Variants in KYAT3 observed in about 807,000 individuals in gnomAD.
The protein encoded by KYAT3 is kynurenine aminotransferase 3, also known as kynurenine--oxoglutarate transaminase 3.
KYAT3 carries 50 observed loss-of-function variants against 59.0 expected under a neutral mutation model. That is an observed-to-expected ratio of 0.85 (90% CI 0.68 to 1.07). The LOEUF is 1.07. Ranked by LOEUF, KYAT3 falls within the 50% of genes least tolerant of loss-of-function variation. KYAT3 has a pLI of 0.00. For synonymous variants in KYAT3, 148 were observed against 177.0 expected, an observed-to-expected ratio of 0.84 and a Z score of 1.30; for missense variants, 497 against 533.3, an observed-to-expected ratio of 0.93 and a Z score of 0.67.
intron 13 of KYAT3, among the ~76,000 whole-genome samples, chr1:88,942,069 C>T (rs1675254049): frequency 1.3e-5 from 2 of 152,032 alleles, no homozygotes; most frequent in African/African-American, 4.8e-5. Context: ...TATATTATCA[C>T]TTGGTATTGT....
At chr1:88,948,910 C>T (rs899352005) in intron 11 of KYAT3, among the ~76,000 whole-genome samples, 181 bp downstream of exon 11, 5 of 152,120 alleles carry the variant, frequency 3.3e-5, no homozygotes, top group African/African-American at 1.2e-4. Context: ...ACAATGGTCA[C>T]ATTTAAGGTA....
chr1:88,965,786 A>T (rs1003966174), intron 4 of KYAT3, among the ~76,000 whole-genome samples: 1 of 151,862 alleles, frequency 6.6e-6, no homozygotes, highest in Non-Finnish European at 1.5e-5. Context: ...CTGATTTTCT[A>T]TCCCTTGAGA....
rs1206228892 is a variant in KYAT3 at position 88,936,695 on chromosome 1, TG to T, written c.1303-451del. ...AAAAATTAGTTCATTCACACTACTC[TG>T]CCCCTTGCTTTCAAGGTTTCATAGT... On this transcript the variant is annotated intron_variant, in intron 13 of 13. Coordinates refer to ENST00000260508, the MANE Select transcript of KYAT3 (RefSeq NM_001008661.3). Among the ~76,000 whole-genome samples the T allele has an allele frequency of 3.4e-5, 4 of 119,274 alleles. No homozygotes were observed. The East Asian group carries it at 1.1e-3, about 33-fold the overall frequency. 78.2% of individuals were successfully genotyped at this position (119,274 alleles called of 152,430 possible).
At chr1:88,929,339 C>T in the KYAT3 span, among the ~76,000 whole-genome samples, 1 of 152,132 alleles carries the variant, frequency 6.6e-6, no homozygotes, top group African/African-American at 2.4e-5. Flanking sequence ...GTACCTAACC[C>T]TTATACTCTG....
chr1:88,935,358 CAGAG>C (rs911334036), downstream of KYAT3, among the ~76,000 whole-genome samples: 24 of 143,028 alleles, frequency 1.7e-4, no homozygotes, highest in African/African-American at 5.5e-4. Flanking sequence ...GAGAGAGAGA[CAGAG>C]AGAGAGAGAG....
At chr1:88,989,784 C>A (rs1007773665) in intron 1 of KYAT3, among the ~76,000 whole-genome samples, 58 of 152,272 alleles carry the variant, frequency 3.8e-4, no homozygotes, top group African/African-American at 1.3e-3. Flanking sequence ...TTGTTTTCAT[C>A]TTGAAATCTC....
At chr1:88,968,898 C>T in intron 3 of KYAT3, 84 bp from the exon 4 acceptor site, 2 of 1,056,160 alleles carry the variant, frequency 1.9e-6, no homozygotes. Context: ...TACCACAAAA[C>T]AGACAAATAA....
At chr1:88,975,967 G>A (rs1399178805) in intron 2 of KYAT3, among the ~76,000 whole-genome samples, 1 of 152,110 alleles carries the variant, frequency 6.6e-6, no homozygotes, top group Non-Finnish European at 1.5e-5. Context: ...CCAGGAGGTG[G>A]AGGTTGCAGT....
intron 11 of KYAT3, among the ~76,000 whole-genome samples, chr1:88,945,141 G>A (rs1675390191): frequency 6.7e-6 from 1 of 149,316 alleles, no homozygotes; most frequent in South Asian, 2.1e-4. Flanking sequence ...ATGGTACCCT[G>A]CCAGAAAAAA....
chr1:88,933,142 A>G (rs897647071), downstream of KYAT3, among the ~76,000 whole-genome samples: 2 of 152,292 alleles, frequency 1.3e-5, no homozygotes, highest in African/African-American at 4.8e-5. Context: ...TGCTTCTGTA[A>G]CAGTCATCCC....
the KYAT3 span, among the ~76,000 whole-genome samples, chr1:88,926,884 G>C: frequency 2.3e-4 from 35 of 152,278 alleles, no homozygotes; most frequent in African/African-American, 7.9e-4. Flanking sequence ...GAATCTTGAT[G>C]GGGCAGCTGG....
intron 13 of KYAT3, among the ~76,000 whole-genome samples, chr1:88,942,277 A>G (rs1328597884): frequency 6.6e-6 from 1 of 150,932 alleles, no homozygotes. Context: ...TTTTTTTTTA[A>G]TAGTTTGAAC....
intron 8 of KYAT3, among the ~76,000 whole-genome samples, chr1:88,956,744 A>G (rs1466825752): frequency 6.6e-6 from 1 of 152,200 alleles, no homozygotes; most frequent in Non-Finnish European, 1.5e-5. Context: ...AAATGCAGGT[A>G]ACAAAGGTCT....
chr1:88,925,042 C>T, the KYAT3 span, among the ~76,000 whole-genome samples: 5 of 152,184 alleles, frequency 3.3e-5, no homozygotes, highest in Admixed American at 1.3e-4. Context: ...TTGGTGACCA[C>T]GAAGGGACTT....
Position 88,984,095 on chromosome 1 carries a change from A to T in KYAT3, c.99+4157T>A. ...TAATGGTGGAAGAAATGAAAGTAAA[A>T]CTCAGAAGTGGAAATGTAAAGCAGG... On this transcript the variant is annotated intron_variant, in intron 2 of 13. Coordinates refer to ENST00000260508, the MANE Select transcript of KYAT3 (RefSeq NM_001008661.3). 6.2e-6 allele frequency: 3 copies of T among 482,412 alleles called. No homozygotes were observed. The East Asian group carries it at 1.1e-4, about 17-fold the overall frequency. The allele number at this position is 482,412 out of a possible 1,614,324, so 29.9% of individuals were successfully genotyped here.
intron 8 of KYAT3, among the ~76,000 whole-genome samples, chr1:88,955,829 A>ATGTG (rs146197538): frequency 2.0e-5 from 3 of 148,368 alleles, no homozygotes; most frequent in African/African-American, 7.7e-5. Context: ...ATGTGTGCAC[A>ATGTG]TGTGTGTGTG....
At chr1:88,988,896 A>G (rs550482361) in intron 1 of KYAT3, among the ~76,000 whole-genome samples, 1 of 152,330 alleles carries the variant, frequency 6.6e-6, no homozygotes, top group South Asian at 2.1e-4. Flanking sequence ...ACTTCCTCCA[A>G]CAATTCCCAC....
intron 1 of KYAT3, among the ~76,000 whole-genome samples, chr1:88,989,650 CAAGT>C (rs1677673439): frequency 2.0e-5 from 3 of 152,110 alleles, no homozygotes; most frequent in Admixed American, 2.0e-4. Flanking sequence ...ATAATAAAAG[CAAGT>C]AAGCTTGGAG....
intron 1 of KYAT3, among the ~76,000 whole-genome samples, chr1:88,990,739 G>T (rs541236547): frequency 1.7e-4 from 26 of 152,286 alleles, no homozygotes; most frequent in African/African-American, 6.0e-4. Flanking sequence ...TGGCTCTGAA[G>T]AAATCTAAGC....
Sources: gnomAD v4.1 joint callset for allele counts (sites outside exome capture counted in the v4.1 genomes callset) on GRCh38, gnomAD v4.1.1 for gene constraint, MANE v1.5 for transcripts, NCBI Gene and HGNC (gene_info 2026-07-23, HGNC 2026-07-21) for gene names.